The following HS3ST5 variants were observed in gnomAD, a reference collection of about 807,000 sequenced individuals.
HS3ST5 encodes heparan sulfate-glucosamine 3-sulfotransferase 5.
Under a neutral mutation model 25.4 loss-of-function variants are expected in HS3ST5, and 10 were observed. The ratio of observed to expected loss-of-function variants is 0.39; its 90% CI spans 0.24 to 0.67. The LOEUF (loss-of-function observed/expected upper bound fraction) is 0.67, where lower values mean the gene tolerates loss of function less well. Ranked by LOEUF, HS3ST5 falls within the 30% of genes least tolerant of loss-of-function variation. HS3ST5 has a pLI of 0.44. For synonymous variants in HS3ST5, 170 were observed against 162.4 expected (o/e 1.05, Z -0.36); for missense variants, 324 against 420.7 (o/e 0.77, Z 2.01).
At chr6:114,104,694 A>C (rs1321284840) in intron 3 of HS3ST5, among the ~76,000 whole-genome samples, 1 of 152,216 alleles carries the variant, frequency 6.6e-6, no homozygotes, top group African/African-American at 2.4e-5. Flanking sequence ...TTACTTAGAA[A>C]GTTATGAGGA....
chr6:114,062,445 C>G (rs1773175256), intron 4 of HS3ST5, among the ~76,000 whole-genome samples: 1 of 152,164 alleles, frequency 6.6e-6, no homozygotes, highest in Non-Finnish European at 1.5e-5. Flanking sequence ...TGCACACGGA[C>G]CAACTGAGCT....
intron 1 of HS3ST5, among the ~76,000 whole-genome samples, chr6:114,243,248 C>T (rs953469193): frequency 7.2e-5 from 11 of 152,136 alleles, no homozygotes; most frequent in African/African-American, 1.9e-4. Context: ...TTGTATGTTG[C>T]GGAGATTTTG....
intron 1 of HS3ST5, among the ~76,000 whole-genome samples, chr6:114,261,121 T>C (rs1055918147): frequency 8.6e-5 from 13 of 151,522 alleles, no homozygotes; most frequent in African/African-American, 2.7e-4. Context: ...AGATGAGGAG[T>C]GCGCAACAGT....
intron 3 of HS3ST5, among the ~76,000 whole-genome samples, chr6:114,099,187 G>C (rs1430480678): frequency 2.0e-5 from 3 of 152,100 alleles, no homozygotes; most frequent in Non-Finnish European, 4.4e-5. Flanking sequence ...TCAGCCATAA[G>C]CCTTAGCTTG....
At chr6:114,202,401 T>A (rs1781065361) in intron 2 of HS3ST5, among the ~76,000 whole-genome samples, 1 of 152,228 alleles carries the variant, frequency 6.6e-6, no homozygotes, top group Non-Finnish European at 1.5e-5. Flanking sequence ...TTTCTGATTA[T>A]CTTCTCCCCT....
At chr6:114,126,838 C>T (rs1430591771) in intron 3 of HS3ST5, among the ~76,000 whole-genome samples, 2 of 152,102 alleles carry the variant, frequency 1.3e-5, no homozygotes, top group Admixed American at 1.3e-4. Context: ...CATCCTTGTA[C>T]CTTTCAAACA....
intron 3 of HS3ST5, among the ~76,000 whole-genome samples, chr6:114,087,657 T>C (rs1182853908): frequency 1.3e-5 from 2 of 152,224 alleles, no homozygotes; most frequent in Non-Finnish European, 2.9e-5. Context: ...AGTTCTATTT[T>C]TTTAAATGTA....
chr6:114,261,843 T>G (rs1490510505), intron 1 of HS3ST5, among the ~76,000 whole-genome samples: 1 of 152,188 alleles, frequency 6.6e-6, no homozygotes, highest in Non-Finnish European at 1.5e-5. Context: ...TGCCTCCATA[T>G]TTATTCATTT....
intron 1 of HS3ST5, among the ~76,000 whole-genome samples, chr6:114,310,672 T>C (rs925538429): frequency 3.9e-5 from 6 of 152,136 alleles, no homozygotes; most frequent in Non-Finnish European, 8.8e-5. Context: ...CAAAAACTCA[T>C]GGGAAGTTAA....
At chr6:114,335,984 A>G (rs1776595602) in intron 1 of HS3ST5, among the ~76,000 whole-genome samples, 1 of 152,176 alleles carries the variant, frequency 6.6e-6, no homozygotes, top group Non-Finnish European at 1.5e-5. Flanking sequence ...TGTGTTCAGC[A>G]TAGGCCTTTA....
chr6:114,246,851 T>C (rs1772403120), intron 1 of HS3ST5, among the ~76,000 whole-genome samples: 1 of 151,934 alleles, frequency 6.6e-6, no homozygotes. Context: ...AGATTTCTCC[T>C]TTAGCCAAAC....
chr6:114,206,988 T>C (rs1781299974), intron 2 of HS3ST5, among the ~76,000 whole-genome samples: 2 of 152,140 alleles, frequency 1.3e-5, no homozygotes, highest in South Asian at 4.1e-4. Context: ...ATGAGAAATT[T>C]TCATGTATTA....
Position 114,256,400 on chromosome 6 carries a change from CAAAAAAAAACAA to C in HS3ST5, c.-338-27634_-338-27623del, listed in dbSNP as rs574391332. 2.4e-4 allele frequency among the ~76,000 whole-genome samples: 36 copies of C among 146,962 alleles called. No homozygotes were observed. The East Asian group carries it at 7.2e-3, about 29-fold the overall frequency. Reference sequence around the variant, plus strand: ...AAGACTCCCTCTCAAAAAAAAAAAACAAAAAAAAACAAACTGAATGCTTTTAACAGCACCCAG... The same window carrying C: ...AAGACTCCCTCTCAAAAAAAAAAAACACTGAATGCTTTTAACAGCACCCAG... On this transcript the variant is annotated intron_variant, in intron 1 of 4. Transcript: ENST00000312719.
intron 2 of HS3ST5, among the ~76,000 whole-genome samples, chr6:114,181,799 G>A (rs1159602459): frequency 6.6e-6 from 1 of 152,084 alleles, no homozygotes; most frequent in Non-Finnish European, 1.5e-5. Flanking sequence ...TTTTAAAAGA[G>A]TGCTTTGTTT....
chr6:114,230,596 CT>C (rs5879253), intron 1 of HS3ST5, among the ~76,000 whole-genome samples: 625 of 136,852 alleles, frequency 4.6e-3, no homozygotes, highest in African/African-American at 7.6e-3. Context: ...CCTTAAGACT[CT>C]TTTTTTTTTT....
At chr6:114,259,662 C>G (rs920132768) in intron 1 of HS3ST5, among the ~76,000 whole-genome samples, 1 of 152,152 alleles carries the variant, frequency 6.6e-6, no homozygotes, top group African/African-American at 2.4e-5. Flanking sequence ...CAATGTGGTA[C>G]GTCAATGTAT....
At chr6:114,198,057 A>G (rs1405618412) in intron 2 of HS3ST5, among the ~76,000 whole-genome samples, 1 of 152,118 alleles carries the variant, frequency 6.6e-6, no homozygotes, top group Non-Finnish European at 1.5e-5. Context: ...GTGATCCAAG[A>G]TTTGAAAGAT....
intron 3 of HS3ST5, among the ~76,000 whole-genome samples, chr6:114,078,095 A>G (rs1774243601): frequency 6.6e-6 from 1 of 152,232 alleles, no homozygotes. Context: ...CAAAAATTTA[A>G]CATGTTTGAT....
intron 2 of HS3ST5, among the ~76,000 whole-genome samples, chr6:114,175,873 ATTCT>A (rs1779699435): frequency 6.6e-6 from 1 of 152,142 alleles, no homozygotes. Flanking sequence ...TAAAAAAGAC[ATTCT>A]TTCTCTGTAT....
Sources: gnomAD v4.1 joint callset for allele counts (sites outside exome capture counted in the v4.1 genomes callset) on GRCh38, gnomAD v4.1.1 for gene constraint, MANE v1.5 for transcripts, NCBI Gene and HGNC (gene_info 2026-07-23, HGNC 2026-07-21) for gene names.